Variants in CCNI observed in about 807,000 individuals in gnomAD.
CCNI encodes the protein cyclin I.
A neutral mutation model predicts 34.1 loss-of-function variants in CCNI; 14 were observed. The ratio of observed to expected loss-of-function variants is 0.41; its 90% CI spans 0.27 to 0.64. The LOEUF is 0.64. Among genes scored for constraint, CCNI ranks in the 30% least tolerant of loss-of-function variants. The pLI, the probability that CCNI is intolerant of heterozygous loss-of-function variation, is 0.31. For synonymous variants in CCNI, 154 were observed against 158.4 expected, an observed-to-expected ratio of 0.97 and a Z score of 0.21; for missense variants, 385 against 440.5, an observed-to-expected ratio of 0.87 and a Z score of 1.13.
In CCNI at chr4:77,055,089, CTA is replaced by C. The variant is rs1194235037; in HGVS notation, c.690+59_690+60del. On this transcript the variant is annotated intron_variant, in intron 6 of 6. Coordinates refer to ENST00000237654, the MANE Select transcript of CCNI (RefSeq NM_006835.3). ...AGAAATGTCTTTTAGTTTGGTAACTCTATGTATTCCAATAATAGAAAAACTTA... is the reference window on the plus strand; with the variant it reads ...AGAAATGTCTTTTAGTTTGGTAACTCTGTATTCCAATAATAGAAAAACTTA... The C allele has an allele frequency of 4.7e-6, 5 of 1,072,574 alleles. No homozygotes were observed. In the African/African-American group the frequency reaches 7.9e-5, roughly 17 times the overall value. The allele number at this position is 1,072,574 out of a possible 1,614,324, so 66.4% of individuals were successfully genotyped here.
chr4:77,052,833 C>T (rs1727959783), intron 6 of CCNI, among the ~76,000 whole-genome samples: 2 of 152,102 alleles, frequency 1.3e-5, no homozygotes, highest in Non-Finnish European at 2.9e-5. Context: ...AGAAATGAGT[C>T]CTAAAGAACT....
At chr4:77,072,551 T>C (rs1161705038) in intron 1 of CCNI, among the ~76,000 whole-genome samples, 4 of 148,468 alleles carry the variant, frequency 2.7e-5, no homozygotes, top group African/African-American at 1.0e-4. Context: ...GTGGGAGGAT[T>C]ACGTAAGCCC....
intron 2 of CCNI, among the ~76,000 whole-genome samples, chr4:77,062,572 A>T (rs1728687543): frequency 1.3e-5 from 2 of 152,156 alleles, no homozygotes; most frequent in African/African-American, 4.8e-5. Context: ...AAAAAAAAAA[A>T]AAATTAAATT....
intron 2 of CCNI, among the ~76,000 whole-genome samples, chr4:77,062,430 C>T (rs62302337): frequency 0.038 from 5,704 of 152,060 alleles, 258 homozygotes; most frequent in East Asian, 0.24. Flanking sequence ...CATGGTGGTG[C>T]GTGCCTGTTA....
rs1322022916 is a variant in CCNI, at chr4:77,055,355, C to T, written c.485G>A (p.Arg162Lys). ...HIFHAIAVST[R>K]PQLLFSLPKL... ...GGGCAAACTGAAAAGTAACTGAGGCCTAGTTGACACTGCAATGGCATGGAA... is the reference window on the plus strand; with the variant it reads ...GGGCAAACTGAAAAGTAACTGAGGCTTAGTTGACACTGCAATGGCATGGAA... Residue 162 changes from arginine to lysine, a missense_variant, in exon 6 of 7, where the codon AGG (arginine) becomes AAG (lysine). Transcript: ENST00000237654. 5.0e-6 allele frequency: 8 copies of T among 1,613,408 alleles called. No homozygotes were observed. Among genetic ancestry groups the T allele is most frequent in the South Asian group, 1.1e-5 (1 of 91,070 alleles).
At chr4:77,053,047 A>G (rs1036113888) in intron 6 of CCNI, among the ~76,000 whole-genome samples, 3 of 152,246 alleles carry the variant, frequency 2.0e-5, no homozygotes, top group African/African-American at 7.2e-5. Context: ...GACTACCTAC[A>G]TAATATAATC....
chr4:77,062,344 A>G (rs1358012676), intron 2 of CCNI, among the ~76,000 whole-genome samples: 1 of 152,182 alleles, frequency 6.6e-6, no homozygotes, highest in Non-Finnish European at 1.5e-5. Context: ...AGGCAGGAAA[A>G]CTGCTTGAGC....
chr4:77,071,236 G>T (rs965125117), intron 1 of CCNI, among the ~76,000 whole-genome samples: 1 of 152,144 alleles, frequency 6.6e-6, no homozygotes, highest in Non-Finnish European at 1.5e-5. Context: ...TATTTATATT[G>T]TAATAACTTT....
intron 1 of CCNI, among the ~76,000 whole-genome samples, chr4:77,074,484 A>G (rs1213450972): frequency 6.6e-6 from 1 of 152,202 alleles, no homozygotes; most frequent in African/African-American, 2.4e-5. Context: ...CAGAGACCAC[A>G]CAGCGTAGAA....
At chr4:77,074,281 G>C (rs1729726056) in intron 1 of CCNI, among the ~76,000 whole-genome samples, 1 of 152,050 alleles carries the variant, frequency 6.6e-6, no homozygotes, top group Non-Finnish European at 1.5e-5. Flanking sequence ...CCCTTCATCG[G>C]TATCAAGAAA....
In CCNI at chr4:77,075,949, G is replaced by C. The variant is rs1279464087; in HGVS notation, c.-521C>G. ...GAAAAATAAGAAAAAGCGAGACAGA[G>C]GCGCTGCCGCGTCCGCTCGCGGGGA... On this transcript the variant is annotated 5_prime_UTR_variant, in exon 1 of 7. Transcript: ENST00000237654. The C allele has an allele frequency of 6.6e-6, 1 of 152,076 alleles. No homozygotes were observed. The highest frequency in any genetic ancestry group is 2.4e-5 in the African/African-American group (1 of 41,432). The allele number at this position is 152,076 out of a possible 1,614,324, so 9.4% of individuals were successfully genotyped here.
chr4:77,075,091 C>T (rs1434837761), intron 1 of CCNI: 1 of 152,014 alleles, frequency 6.6e-6, no homozygotes, highest in African/African-American at 2.4e-5. Context: ...CCCGGAGAAT[C>T]GTTCAACCTG....
intron 1 of CCNI, among the ~76,000 whole-genome samples, chr4:77,068,045 G>T (rs1729184076): frequency 6.6e-6 from 1 of 152,006 alleles, no homozygotes; most frequent in Non-Finnish European, 1.5e-5. Context: ...AGGCATGGTG[G>T]CAGGCACCTG....
Position 77,048,337 on chromosome 4 carries a change from C to A in CCNI, c.1016G>T (p.Arg339Leu). The A allele has an allele frequency of 6.2e-7, 1 of 1,614,064 alleles. No individual in the cohort carries two copies. The highest frequency in any genetic ancestry group is 8.5e-7 in the Non-Finnish European group (1 of 1,179,992). Residue 339 changes from arginine to leucine, a missense_variant, in exon 7 of 7, where the codon CGG (arginine) becomes CTG (leucine). Transcript: ENST00000237654. ...TGAGACATTATCTTCATTATAGAGC[C>A]GTTTGATTCCATCATAGAAGTCATC... ...EVDDFYDGIK[R>L]LYNEDNVSEN...
chr4:77,069,860 TA>T (rs1430546169), intron 1 of CCNI, among the ~76,000 whole-genome samples: 1 of 151,974 alleles, frequency 6.6e-6, no homozygotes, highest in African/African-American at 2.4e-5. Flanking sequence ...TACCAAAATC[TA>T]ATCTCTTTCA....
intron 2 of CCNI, among the ~76,000 whole-genome samples, chr4:77,063,344 TAAA>T (rs745761323): frequency 0.021 from 1,644 of 77,172 alleles, 38 homozygotes; most frequent in African/African-American, 0.077. Flanking sequence ...GAAAGGGAGG[TAAA>T]AAAAAAAAAA....
At chr4:77,051,153 T>G (rs1038359442) in intron 6 of CCNI, among the ~76,000 whole-genome samples, 1 of 152,194 alleles carries the variant, frequency 6.6e-6, no homozygotes, top group African/African-American at 2.4e-5. Flanking sequence ...CCAGGTTTTT[T>G]TGGAACTCTG....
At chr4:77,067,867 T>C (rs935206191) in intron 1 of CCNI, among the ~76,000 whole-genome samples, 1 of 147,948 alleles carries the variant, frequency 6.8e-6, no homozygotes, top group Non-Finnish European at 1.5e-5. Flanking sequence ...AAAATTGGAT[T>C]AAGAAACTGC....
At chr4:77,058,738 TATTTA>T (rs1309431248) in intron 2 of CCNI, 103 bp from the exon 3 acceptor site, 2 of 904,580 alleles carry the variant, frequency 2.2e-6, no homozygotes, top group Non-Finnish European at 3.3e-6. Context: ...CTACAAAATA[TATTTA>T]AAAATGTTAA....
Sources: gnomAD v4.1 joint callset for allele counts (sites outside exome capture counted in the v4.1 genomes callset) on GRCh38, gnomAD v4.1.1 for gene constraint, MANE v1.5 for transcripts, NCBI Gene and HGNC (gene_info 2026-07-23, HGNC 2026-07-21) for gene names.